The following AGBL1 variants were observed in gnomAD, a reference collection of about 807,000 sequenced individuals.
AGBL1 encodes the protein AGBL carboxypeptidase 1, also known as cytosolic carboxypeptidase 4.
AGBL1 carries 130 observed loss-of-function variants against 118.9 expected under a neutral mutation model. The observed-to-expected ratio is 1.09, with a 90% CI of 0.95 to 1.26. The LOEUF (loss-of-function observed/expected upper bound fraction) is 1.26. AGBL1 is among the 50% of genes most tolerant of loss of function. The pLI, the probability that AGBL1 is intolerant of heterozygous loss-of-function variation, is 0.00. For synonymous variants in AGBL1, 555 were observed against 478.9 expected, an observed-to-expected ratio of 1.16 and a Z score of -2.08; for missense variants, 1,584 against 1,298.1, an observed-to-expected ratio of 1.22 and a Z score of -3.38.
At chr15:86,538,260 A>T (rs1345432316) in intron 19 of AGBL1, among the ~76,000 whole-genome samples, 1 of 152,194 alleles carries the variant, frequency 6.6e-6, no homozygotes, top group East Asian at 1.9e-4. Flanking sequence ...TGAAAGTCTG[A>T]GTCTCTCGCT....
At chr15:86,997,311 C>T (rs1189296502) in intron 24 of AGBL1, among the ~76,000 whole-genome samples, 3 of 152,166 alleles carry the variant, frequency 2.0e-5, no homozygotes, top group Non-Finnish European at 2.9e-5. Context: ...CTGGCGGCCT[C>T]CTGCAGTGCC....
intron 21 of AGBL1, among the ~76,000 whole-genome samples, chr15:86,625,913 G>A (rs765156620): frequency 2.6e-5 from 4 of 152,110 alleles, no homozygotes; most frequent in African/African-American, 7.2e-5. Flanking sequence ...ATCAAGAATC[G>A]AATGAAGAAG....
intron 21 of AGBL1, among the ~76,000 whole-genome samples, chr15:86,592,669 C>G (rs887754641): frequency 6.6e-6 from 1 of 152,178 alleles, no homozygotes; most frequent in Non-Finnish European, 1.5e-5. Context: ...AACAGTTAAA[C>G]TTTGCCATTT....
chr15:86,946,858 A>AC (rs912884268), intron 23 of AGBL1, among the ~76,000 whole-genome samples: 6 of 150,828 alleles, frequency 4.0e-5, no homozygotes, highest in Admixed American at 1.3e-4. Context: ...AAAAAAAAAA[A>AC]AAACAAAATA....
chr15:86,152,140 A>G (rs1205682302), intron 3 of AGBL1, among the ~76,000 whole-genome samples: 3 of 149,322 alleles, frequency 2.0e-5, no homozygotes, highest in African/African-American at 7.5e-5. Context: ...GCTACCAATG[A>G]CTTTCTTCAC....
At chr15:86,731,455 T>A (rs1301749183) in intron 22 of AGBL1, among the ~76,000 whole-genome samples, 1 of 152,212 alleles carries the variant, frequency 6.6e-6, no homozygotes, top group Admixed American at 6.5e-5. Flanking sequence ...TTTTATATTG[T>A]CACCAACAAT....
chr15:86,227,729 T>C (rs546136949), intron 6 of AGBL1, among the ~76,000 whole-genome samples: 1 of 152,248 alleles, frequency 6.6e-6, no homozygotes, highest in Non-Finnish European at 1.5e-5. Flanking sequence ...TCTTGCATAA[T>C]TGATGTGAAA....
Position 86,398,754 on chromosome 15 carries a change from G to A in AGBL1, c.2555+1208G>A, listed in dbSNP as rs142962952. The stretch of plus-strand genomic sequence containing the variant: ...AGACTAGTTTCAAAAGATAAGCACC[G>A]AAGATAGATAAGTTGAAAAGGTTAA... On this transcript the variant is annotated intron_variant, in intron 18 of 22. Coordinates refer to ENST00000614907, the MANE Select transcript of AGBL1 (RefSeq NM_001386094.1). 2.1e-3 allele frequency among the ~76,000 whole-genome samples: 315 copies of A among 152,138 alleles called. 1 individual carries two copies. The highest frequency in any genetic ancestry group is 7.2e-3 in the African/African-American group (299 of 41,522).
At chr15:86,768,751 G>A (rs150345005) in intron 22 of AGBL1, among the ~76,000 whole-genome samples, 22 of 151,940 alleles carry the variant, frequency 1.4e-4, no homozygotes, top group East Asian at 1.2e-3. Flanking sequence ...ATGTATAGTC[G>A]TTTATTGTTT....
chr15:86,275,789 C>A (rs1157277585), intron 15 of AGBL1, among the ~76,000 whole-genome samples: 3 of 152,194 alleles, frequency 2.0e-5, no homozygotes, highest in Non-Finnish European at 4.4e-5. Flanking sequence ...TCTTCAAGAT[C>A]ACTCCTGATT....
chr15:86,211,016 T>G (rs1399200291), intron 5 of AGBL1, among the ~76,000 whole-genome samples: 1 of 152,202 alleles, frequency 6.6e-6, no homozygotes, highest in African/African-American at 2.4e-5. Flanking sequence ...GGATGTCCTT[T>G]TGTTGATGTT....
chr15:86,520,135 T>A (rs985156537), intron 18 of AGBL1, among the ~76,000 whole-genome samples: 2 of 152,062 alleles, frequency 1.3e-5, no homozygotes, highest in African/African-American at 4.8e-5. Context: ...GAAAAAAAAA[T>A]TAGGATGAGG....
intron 18 of AGBL1, among the ~76,000 whole-genome samples, chr15:86,494,154 C>G (rs1596187374): frequency 6.6e-6 from 1 of 152,092 alleles, no homozygotes; most frequent in East Asian, 1.9e-4. Flanking sequence ...TATTTTCTTC[C>G]AAAGATAATT....
chr15:86,588,367 A>G (rs1327182750), intron 21 of AGBL1, among the ~76,000 whole-genome samples: 1 of 152,198 alleles, frequency 6.6e-6, no homozygotes, highest in African/African-American at 2.4e-5. Flanking sequence ...TTCAGCCAGT[A>G]GTAATTCTAC....
rs369953661 is a variant in AGBL1 at position 86,368,850 on chromosome 15, C to A, written c.2375-28516C>A. On this transcript the variant is annotated intron_variant, in intron 17 of 22. Coordinates refer to ENST00000614907, the MANE Select transcript of AGBL1 (RefSeq NM_001386094.1). Reference sequence around the variant, plus strand: ...TCTTTCAAAAGTGTATTCTGAATATCAAACAAAAGAAATAAAGATTAACCC... The same window carrying A: ...TCTTTCAAAAGTGTATTCTGAATATAAAACAAAAGAAATAAAGATTAACCC... Among the ~76,000 whole-genome samples the A allele has an allele frequency of 1.4e-3, 217 of 152,132 alleles. 1 individual carries two copies. The highest frequency in any genetic ancestry group is 5.1e-3 in the African/African-American group (211 of 41,508).
chr15:86,528,343 T>C (rs2083296884), intron 19 of AGBL1, among the ~76,000 whole-genome samples: 1 of 152,002 alleles, frequency 6.6e-6, no homozygotes, highest in Non-Finnish European at 1.5e-5. Flanking sequence ...AAGAAAGGGG[T>C]GACGGACGCA....
chr15:86,455,824 T>C (rs906792172), intron 18 of AGBL1, among the ~76,000 whole-genome samples: 1 of 152,156 alleles, frequency 6.6e-6, no homozygotes, highest in Admixed American at 6.6e-5. Flanking sequence ...CCCTGAGTTA[T>C]AGAGGTAGTA....
intron 18 of AGBL1, among the ~76,000 whole-genome samples, chr15:86,418,229 A>G (rs576709655): frequency 6.6e-6 from 1 of 152,360 alleles, no homozygotes; most frequent in South Asian, 2.1e-4. Context: ...ACTAGAAGAC[A>G]TATCACCAAA....
At chr15:86,177,868 C>T (rs994550283) in intron 5 of AGBL1, among the ~76,000 whole-genome samples, 5 of 150,288 alleles carry the variant, frequency 3.3e-5, no homozygotes, top group African/African-American at 4.9e-5. Context: ...TCAGCTTCCA[C>T]CATAAGAAAG....
Sources: allele counts gnomAD v4.1 joint callset (sites outside exome capture counted in the v4.1 genomes callset), GRCh38; gene constraint gnomAD v4.1.1; transcripts MANE v1.5; gene names NCBI Gene and HGNC (gene_info 2026-07-23, HGNC 2026-07-21).